The following OPCML variants were observed in gnomAD, a reference collection of about 807,000 sequenced individuals.
OPCML encodes the protein opioid-binding protein/cell adhesion molecule.
OPCML carries 13 observed loss-of-function variants against 37.8 expected under a neutral mutation model. The observed-to-expected ratio is 0.34, with a 90% CI of 0.22 to 0.55. OPCML has a LOEUF of 0.55. Ranked by LOEUF, OPCML falls within the 20% of genes least tolerant of loss-of-function variation. The probability of loss-of-function intolerance (pLI) is 0.91; values close to 1 mark genes in which losing one functional copy is unlikely to be tolerated. For missense variants in OPCML, 341 were observed against 435.6 expected (o/e 0.78, Z 1.93); for synonymous variants, 176 against 168.8 (o/e 1.04, Z -0.33).
At chr11:133,289,493 G>A (rs1942405966) in intron 1 of OPCML, among the ~76,000 whole-genome samples, 1 of 150,180 alleles carries the variant, frequency 6.7e-6, no homozygotes, top group Non-Finnish European at 1.5e-5. Context: ...TACTCGGGAG[G>A]CTGAGGCAGG....
intron 7 of OPCML, among the ~76,000 whole-genome samples, chr11:132,427,832 C>G (rs563836194): frequency 6.6e-6 from 1 of 152,126 alleles, no homozygotes; most frequent in East Asian, 1.9e-4. Flanking sequence ...ACGAGCAAAC[C>G]ACAAGGAACC....
intron 1 of OPCML, among the ~76,000 whole-genome samples, chr11:133,277,215 G>A (rs1049680323): frequency 6.6e-6 from 1 of 152,028 alleles, no homozygotes; most frequent in African/African-American, 2.4e-5. Context: ...TTTAGCCCAC[G>A]ACTAGTCCCC....
chr11:132,721,384 T>C (rs528859563), intron 2 of OPCML, among the ~76,000 whole-genome samples: 6 of 152,264 alleles, frequency 3.9e-5, no homozygotes, highest in Non-Finnish European at 7.4e-5. Context: ...GCAGACAGGA[T>C]AAATGCTTGA....
At chr11:132,428,888 C>A (rs893306810) in intron 7 of OPCML, among the ~76,000 whole-genome samples, 2 of 152,226 alleles carry the variant, frequency 1.3e-5, no homozygotes, top group Non-Finnish European at 2.9e-5. Flanking sequence ...TCAAGCATGG[C>A]ACTTCCTATA....
chr11:133,100,793 T>A (rs1447660068), intron 1 of OPCML, among the ~76,000 whole-genome samples: 2 of 152,198 alleles, frequency 1.3e-5, no homozygotes, highest in African/African-American at 4.8e-5. Flanking sequence ...ATAATCCTTA[T>A]ACCTTTTGCC....
intron 2 of OPCML, among the ~76,000 whole-genome samples, chr11:132,689,626 C>A (rs950184817): frequency 2.0e-5 from 3 of 152,112 alleles, no homozygotes; most frequent in Non-Finnish European, 4.4e-5. Context: ...AAGGTAGAGA[C>A]GAGGTGTCAT....
At chr11:132,988,172 G>A (rs993375550) in intron 1 of OPCML, among the ~76,000 whole-genome samples, 1 of 152,284 alleles carries the variant, frequency 6.6e-6, no homozygotes, top group African/African-American at 2.4e-5. Context: ...ATGGATGAGG[G>A]TGGTCAGTAT....
At chr11:133,517,829 G>T (rs765436000) in intron 1 of OPCML, among the ~76,000 whole-genome samples, 1 of 152,194 alleles carries the variant, frequency 6.6e-6, no homozygotes, top group Non-Finnish European at 1.5e-5. Flanking sequence ...AACCACAGCC[G>T]CTCTTTCAGG....
At chr11:132,833,043 G>A (rs7941949) in intron 2 of OPCML, among the ~76,000 whole-genome samples, 10 of 151,890 alleles carry the variant, frequency 6.6e-5, no homozygotes, top group Non-Finnish European at 1.2e-4. Flanking sequence ...AGTTAGTACC[G>A]GGGACTTTAT....
At position 133,134,351 on chromosome 11, in the gene OPCML, G is replaced by A. The variant is rs542898774; in HGVS notation, c.62-191341C>T. 3.2e-4 allele frequency among the ~76,000 whole-genome samples: 49 copies of A among 152,224 alleles called. 2 individuals are homozygous for A. The South Asian group carries it at 7.9e-3, about 25-fold the overall frequency. Reference sequence around the variant, plus strand: ...AAAATGAAATCCACATAGAATAATAGAAGGGAGTTCTTCAGTGGTGCAAGG... The same window carrying A: ...AAAATGAAATCCACATAGAATAATAAAAGGGAGTTCTTCAGTGGTGCAAGG... On this transcript the variant is annotated intron_variant, in intron 1 of 7. Transcript: ENST00000524381.
At chr11:133,148,651 C>G (rs60832158) in intron 1 of OPCML, among the ~76,000 whole-genome samples, 2 of 151,700 alleles carry the variant, frequency 1.3e-5, no homozygotes, top group Non-Finnish European at 2.9e-5. Context: ...AACATCCATG[C>G]GCACTTCAGC....
At chr11:133,142,559 C>G (rs1169296552) in intron 1 of OPCML, among the ~76,000 whole-genome samples, 1 of 152,178 alleles carries the variant, frequency 6.6e-6, no homozygotes, top group Non-Finnish European at 1.5e-5. Flanking sequence ...ATTTTAATCC[C>G]TAGACTATCA....
At chr11:133,394,300 T>C (rs1438772283) in intron 1 of OPCML, among the ~76,000 whole-genome samples, 1 of 152,228 alleles carries the variant, frequency 6.6e-6, no homozygotes, top group Non-Finnish European at 1.5e-5. Context: ...AGTAGGGGTA[T>C]ATATGTATGG....
chr11:132,579,999 C>A (rs539507186), intron 3 of OPCML, among the ~76,000 whole-genome samples: 36 of 152,268 alleles, frequency 2.4e-4, no homozygotes, highest in Middle Eastern at 3.4e-3. Flanking sequence ...AGGCTCTGGT[C>A]CCTCCTGGAG....
At chr11:132,935,804 T>C (rs1274302084) in intron 2 of OPCML, among the ~76,000 whole-genome samples, 1 of 152,202 alleles carries the variant, frequency 6.6e-6, no homozygotes, top group African/African-American at 2.4e-5. Context: ...TTAAACAAAA[T>C]TACTTCTCCT....
intron 1 of OPCML, among the ~76,000 whole-genome samples, chr11:133,023,118 C>T (rs974982383): frequency 1.6e-4 from 25 of 152,340 alleles, no homozygotes; most frequent in Middle Eastern, 3.4e-3. Context: ...ATTGCAACCC[C>T]GACCTGGTGC....
intron 1 of OPCML, among the ~76,000 whole-genome samples, chr11:133,464,473 G>T (rs1321110958): frequency 6.6e-6 from 1 of 152,188 alleles, no homozygotes; most frequent in African/African-American, 2.4e-5. Flanking sequence ...GGGCCATGTG[G>T]CAGGAGACCC....
chr11:133,442,518 G>A (rs1278249617), intron 1 of OPCML, among the ~76,000 whole-genome samples: 1 of 152,078 alleles, frequency 6.6e-6, no homozygotes, highest in African/African-American at 2.4e-5. Context: ...TTGCAAGAGT[G>A]GAATCTCAGA....
chr11:132,639,619 G>A (rs1784510), intron 3 of OPCML, among the ~76,000 whole-genome samples: 92,389 of 152,086 alleles, frequency 0.61, 28,434 homozygotes, highest in African/African-American at 0.71. Context: ...TTTGCAGGCC[G>A]ACTAAATGTA....
Sources: gnomAD v4.1 joint callset for allele counts (sites outside exome capture counted in the v4.1 genomes callset) on GRCh38, gnomAD v4.1.1 for gene constraint, MANE v1.5 for transcripts, NCBI Gene and HGNC (gene_info 2026-07-23, HGNC 2026-07-21) for gene names.